The following VANGL1 variants were observed in gnomAD, a reference collection of about 807,000 sequenced individuals.
The protein encoded by VANGL1 is VANGL planar cell polarity protein 1.
In VANGL1, 18 loss-of-function variants were observed where a neutral mutation model predicts 48.4. The ratio of observed to expected loss-of-function variants is 0.37; its 90% confidence interval spans 0.26 to 0.55. The LOEUF is 0.55. Ranked by LOEUF, VANGL1 falls within the 20% of genes least tolerant of loss-of-function variation. The probability of loss-of-function intolerance (pLI) is 0.81; values close to 1 mark genes in which losing one functional copy is unlikely to be tolerated. For synonymous variants in VANGL1, 257 were observed against 261.8 expected, an observed-to-expected ratio of 0.98 and a Z score of 0.18; for missense variants, 667 against 675.8, an observed-to-expected ratio of 0.99 and a Z score of 0.14.
intron 1 of VANGL1, chr1:115,642,559 G>C (rs960851696): frequency 6.6e-6 from 1 of 152,292 alleles, no homozygotes. Context: ...TCCCACCCCT[G>C]GCGGGGCTCG....
chr1:115,684,655 G>A (rs1465769726), intron 6 of VANGL1, among the ~76,000 whole-genome samples: 1 of 152,212 alleles, frequency 6.6e-6, no homozygotes, highest in Admixed American at 6.5e-5. Flanking sequence ...TTGGGCCCAA[G>A]AAATGGCATT....
chr1:115,682,203 C>T (rs1201736258), intron 4 of VANGL1, among the ~76,000 whole-genome samples, 161 bp from the exon 5 acceptor site: 1 of 152,226 alleles, frequency 6.6e-6, no homozygotes, highest in Non-Finnish European at 1.5e-5. Flanking sequence ...GCTTTAAGTT[C>T]TCATCCTGGA....
chr1:115,692,894 T>C lies in VANGL1; in HGVS notation c.*1515T>C, dbSNP rs139030532. 6.6e-6 allele frequency: 1 copy of C among 152,426 alleles called. No homozygotes were observed. The highest frequency in any genetic ancestry group is 1.5e-5 in the Non-Finnish European group (1 of 68,072). 9.4% of individuals were successfully genotyped at this position (152,426 alleles called of 1,614,324 possible). A position where few individuals can be genotyped will look rare whatever the true frequency, so the allele number is the denominator to read the frequency against. On this transcript the variant is annotated 3_prime_UTR_variant, in exon 8 of 8. Transcript: ENST00000355485. Reference sequence around the variant, plus strand: ...TCGGTAATCAGCCATCTTGCTGTAGTACAGGATGACATTGTCGAATGCTCT... The same window carrying C: ...TCGGTAATCAGCCATCTTGCTGTAGCACAGGATGACATTGTCGAATGCTCT...
At chr1:115,684,134 T>G (rs1018425583) in intron 6 of VANGL1, 58 bp downstream of exon 6, 2 of 1,330,828 alleles carry the variant, frequency 1.5e-6, no homozygotes, top group African/African-American at 3.1e-5. Context: ...TTTATTTTAT[T>G]TATTTATTTA....
chr1:115,680,963 G>A (rs1334189574), intron 4 of VANGL1, among the ~76,000 whole-genome samples: 1 of 152,160 alleles, frequency 6.6e-6, no homozygotes, highest in African/African-American at 2.4e-5. Flanking sequence ...TATATCTGTG[G>A]TATTTAACAT....
At chr1:115,648,602 A>G (rs1214451885) in intron 1 of VANGL1, among the ~76,000 whole-genome samples, 1 of 152,222 alleles carries the variant, frequency 6.6e-6, no homozygotes, top group Non-Finnish European at 1.5e-5. Flanking sequence ...TTGGGTTACC[A>G]TGTGCCAGAG....
chr1:115,691,251 C>A lies in VANGL1; in HGVS notation c.1447C>A (p.Leu483Ile), dbSNP rs946686080. The change falls in exon 8 of 8, where the codon CTT becomes ATT. Residue 483 changes from leucine (L) to isoleucine (I), a missense_variant. Physicochemically the swap from Leu to Ile is conservative, Grantham distance 5. Transcript: ENST00000355485. ...ATTACGGGATGGAATTGTGTTCGTCCTTAAGTGCTTGGACTTCAGCCTCGT... is the reference window on the plus strand; with the variant it reads ...ATTACGGGATGGAATTGTGTTCGTCATTAAGTGCTTGGACTTCAGCCTCGT... ...NGLRDGIVFV[L>I]KCLDFSLVVN... 6.2e-7 allele frequency: 1 copy of A among 1,613,978 alleles called. No homozygotes were observed. The highest frequency in any genetic ancestry group is 1.3e-5 in the African/African-American group (1 of 74,904).
At chr1:115,686,286 G>A (rs1271268971) in intron 7 of VANGL1, among the ~76,000 whole-genome samples, 1 of 150,604 alleles carries the variant, frequency 6.6e-6, no homozygotes, top group African/African-American at 2.5e-5. Flanking sequence ...AAAATAGAAT[G>A]GCGTGAACCC....
chr1:115,643,667 T>G (rs377294585), intron 1 of VANGL1, among the ~76,000 whole-genome samples: 1 of 152,194 alleles, frequency 6.6e-6, no homozygotes, highest in African/African-American at 2.4e-5. Flanking sequence ...GAGAGTGATA[T>G]ATTTGTAAGG....
chr1:115,680,522 T>C (rs1448488797), intron 4 of VANGL1, among the ~76,000 whole-genome samples: 1 of 152,232 alleles, frequency 6.6e-6, no homozygotes, highest in African/African-American at 2.4e-5. Flanking sequence ...TTATGCAAAG[T>C]TGGTCTCACC....
At chr1:115,684,591 C>G (rs1653521482) in intron 6 of VANGL1, among the ~76,000 whole-genome samples, 1 of 152,206 alleles carries the variant, frequency 6.6e-6, no homozygotes, top group Non-Finnish European at 1.5e-5. Flanking sequence ...TGTTCAAATA[C>G]AGGCAGCAGG....
intron 3 of VANGL1, 129 bp from the exon 4 acceptor site, chr1:115,663,532 A>ATTAAC: frequency 7.8e-7 from 1 of 1,286,822 alleles, no homozygotes; most frequent in African/African-American, 1.5e-5. Context: ...TAAAGAGTTA[A>ATTAAC]GCTTTCATTT....
At chr1:115,681,054 A>G (rs933161268) in intron 4 of VANGL1, among the ~76,000 whole-genome samples, 1 of 152,164 alleles carries the variant, frequency 6.6e-6, no homozygotes, top group African/African-American at 2.4e-5. Context: ...GAGGTTTGTA[A>G]ATCATATCAG....
chr1:115,655,135 A>G (rs1460274721), intron 2 of VANGL1, among the ~76,000 whole-genome samples: 1 of 152,202 alleles, frequency 6.6e-6, no homozygotes, highest in East Asian at 1.9e-4. Flanking sequence ...TACCCCAGCC[A>G]TAGCCAAGAG....
intron 2 of VANGL1, among the ~76,000 whole-genome samples, chr1:115,652,702 A>G (rs979017409): frequency 6.6e-6 from 1 of 152,128 alleles, no homozygotes; most frequent in Non-Finnish European, 1.5e-5. Flanking sequence ...TCCCCATACA[A>G]GCAGCCGAAT....
intron 6 of VANGL1, among the ~76,000 whole-genome samples, chr1:115,684,996 C>T (rs1653539959): frequency 6.6e-6 from 1 of 152,196 alleles, no homozygotes; most frequent in South Asian, 2.1e-4. Context: ...GAAAAAAGGA[C>T]TAGTGCATTT....
chr1:115,664,168 A>G lies in VANGL1; in HGVS notation c.712A>G (p.Ile238Val), dbSNP rs775707643. 3 of 1,614,034 alleles carry G rather than the reference A, an allele frequency of 1.9e-6. No homozygotes were observed. The highest frequency in any genetic ancestry group is 1.1e-5 in the South Asian group (1 of 91,078). ...DALLFIHYLA[I>V]VLLELRQLQP... ...CCTCCTCTTCATCCATTACCTGGCCATCGTCCTGCTGGAGCTCAGGCAGCT... is the reference window on the plus strand; with the variant it reads ...CCTCCTCTTCATCCATTACCTGGCCGTCGTCCTGCTGGAGCTCAGGCAGCT... Residue 238 changes from isoleucine (I) to valine (V), a missense_variant, in exon 4 of 8, where the codon ATC (isoleucine) becomes GTC (valine). Transcript: ENST00000355485.
intron 4 of VANGL1, among the ~76,000 whole-genome samples, chr1:115,667,436 C>G (rs1652833680): frequency 6.6e-6 from 1 of 152,198 alleles, no homozygotes; most frequent in Non-Finnish European, 1.5e-5. Flanking sequence ...AACCTCTGCC[C>G]AGTGCCCTAG....
intron 4 of VANGL1, among the ~76,000 whole-genome samples, chr1:115,667,373 G>A (rs924543031): frequency 3.9e-5 from 6 of 152,200 alleles, no homozygotes; most frequent in South Asian, 2.1e-4. Flanking sequence ...TTTCAAAAAT[G>A]TAAAAAGTTG....
Sources: allele counts gnomAD v4.1 joint callset (sites outside exome capture counted in the v4.1 genomes callset), GRCh38; gene constraint gnomAD v4.1.1; transcripts MANE v1.5; gene names NCBI Gene and HGNC (gene_info 2026-07-23, HGNC 2026-07-21).